PLXNA4: variants seen among roughly 807,000 people sequenced by gnomAD.
The protein encoded by PLXNA4 is plexin-A4.
In PLXNA4, 44 loss-of-function variants were observed where a neutral mutation model predicts 191.8. The observed-to-expected ratio is 0.23, with a 90% CI of 0.18 to 0.29. The LOEUF (loss-of-function observed/expected upper bound fraction) is 0.29. Ranked by LOEUF, PLXNA4 falls within the 10% of genes least tolerant of loss-of-function variation. The probability of loss-of-function intolerance (pLI) is 1.00; values close to 1 mark genes in which losing one functional copy is unlikely to be tolerated. For synonymous variants in PLXNA4, 1,082 were observed against 1,009.5 expected, an observed-to-expected ratio of 1.07 and a Z score of -1.36; for missense variants, 1,800 against 2,488.8, an observed-to-expected ratio of 0.72 and a Z score of 5.89.
chr7:132,159,359 C>T, intron 25 of PLXNA4, 114 bp downstream of exon 25: 2 of 1,502,146 alleles, frequency 1.3e-6, no homozygotes, highest in South Asian at 1.3e-5. Context: ...CTCCCTCCAG[C>T]CAGTGATTAT....
At chr7:132,464,387 G>A (rs1413561062) in intron 3 of PLXNA4, among the ~76,000 whole-genome samples, 3 of 152,098 alleles carry the variant, frequency 2.0e-5, no homozygotes, top group Non-Finnish European at 2.9e-5. Context: ...GATGCCGTCC[G>A]GCTTGGAATG....
chr7:132,161,254 T>C (rs1795940397), intron 24 of PLXNA4, among the ~76,000 whole-genome samples: 1 of 152,230 alleles, frequency 6.6e-6, no homozygotes, highest in South Asian at 2.1e-4. Flanking sequence ...CGTAATCCCC[T>C]GGCATTTCTA....
intron 3 of PLXNA4, among the ~76,000 whole-genome samples, chr7:132,488,108 T>C (rs1797635302): frequency 6.6e-6 from 1 of 152,140 alleles, no homozygotes; most frequent in East Asian, 1.9e-4. Flanking sequence ...CCAGTGCTCA[T>C]TGTTTTCTTT....
intron 3 of PLXNA4, among the ~76,000 whole-genome samples, chr7:132,334,363 T>G (rs1179376668): frequency 6.8e-6 from 1 of 146,306 alleles, no homozygotes; most frequent in Non-Finnish European, 1.5e-5. Context: ...GCTCAGATGA[T>G]CCTCCTGCCA....
Position 132,198,507 on chromosome 7 carries a change from C to A in PLXNA4, c.2716G>T (p.Asp906Tyr). 1 of 1,614,198 alleles carries A rather than the reference C, an allele frequency of 6.2e-7. No individual in the cohort carries two copies. Among genetic ancestry groups the A allele is most frequent in the Non-Finnish European group, 8.5e-7 (1 of 1,180,022 alleles). Reference protein sequence around the residue: ...VAGVECSPLVDGYIPAEQIVC... With the variant: ...VAGVECSPLVYGYIPAEQIVC... ...TACTGTTCTGCAGGGATGTAACCATCCACTAAAGGGCTGCACTCCACGCCA... is the reference window on the plus strand; with the variant it reads ...TACTGTTCTGCAGGGATGTAACCATACACTAAAGGGCTGCACTCCACGCCA... Residue 906 changes from aspartate to tyrosine, a missense_variant, in exon 13 of 32, where the codon GAT becomes TAT. Transcript: ENST00000321063.
intron 30 of PLXNA4, among the ~76,000 whole-genome samples, 171 bp downstream of exon 30, chr7:132,140,428 G>C (rs535081459): frequency 2.6e-5 from 4 of 152,246 alleles, no homozygotes; most frequent in East Asian, 3.9e-4. Flanking sequence ...CTGGTTTCAG[G>C]GGACAGCAGC....
rs1009562199 is a variant in PLXNA4 at position 132,436,287 on chromosome 7, G to T, written c.1371+53005C>A. On this transcript the variant is annotated intron_variant, in intron 3 of 31. Transcript: ENST00000321063. ...CTCCGTCCAACTCTGAAGGGAGTCC[G>T]TCTATGGGGACAATGGGTCTGGTTT... is the stretch of plus-strand genomic sequence containing the variant. Among the ~76,000 whole-genome samples the T allele has an allele frequency of 3.3e-5, 5 of 152,344 alleles. 1 individual carries two copies. The highest frequency in any genetic ancestry group is 3.3e-4 in the Admixed American group (5 of 15,304).
At chr7:132,298,597 G>C (rs191251454) in intron 3 of PLXNA4, among the ~76,000 whole-genome samples, 8 of 152,252 alleles carry the variant, frequency 5.3e-5, no homozygotes, top group Non-Finnish European at 1.0e-4. Context: ...CCCTGCATTG[G>C]AAAGGCAATA....
At chr7:132,605,543 G>T (rs931908993) in intron 2 of PLXNA4, among the ~76,000 whole-genome samples, 2 of 152,058 alleles carry the variant, frequency 1.3e-5, no homozygotes, top group Non-Finnish European at 2.9e-5. Flanking sequence ...AGGTGGCATT[G>T]GTAGATTTGG....
At chr7:132,440,369 C>T (rs183225076) in intron 3 of PLXNA4, among the ~76,000 whole-genome samples, 2 of 152,306 alleles carry the variant, frequency 1.3e-5, no homozygotes, top group Non-Finnish European at 2.9e-5. Context: ...ATACTCTCCC[C>T]ACACCCAGCC....
Position 132,124,834 on chromosome 7 carries a change from A to T in PLXNA4, c.*5645T>A, listed in dbSNP as rs575327188. 6.6e-6 allele frequency: 1 copy of T among 152,294 alleles called. No individual in the cohort carries two copies. The highest frequency in any genetic ancestry group is 6.6e-5 in the Admixed American group (1 of 15,260). 9.4% of individuals were successfully genotyped at this position (152,294 alleles called of 1,614,324 possible). A position where few individuals can be genotyped will look rare whatever the true frequency, so the allele number is the denominator to read the frequency against. ...TCACTACCTCTGCCAATACAAACAG[A>T]AAGTTCTTTTTGTATATGAAGGATT... is the stretch of plus-strand genomic sequence containing the variant. On this transcript the variant is annotated 3_prime_UTR_variant, in exon 32 of 32. Coordinates refer to ENST00000321063, the MANE Select transcript of PLXNA4 (RefSeq NM_020911.2).
At chr7:132,384,676 G>A (rs984419162) in intron 3 of PLXNA4, 74 of 996,642 alleles carry the variant, frequency 7.4e-5, no homozygotes, top group Admixed American at 1.1e-4. Context: ...ATTACATGAT[G>A]CTGCAGTACG....
chr7:132,365,833 G>T (rs2116874461), intron 3 of PLXNA4: 1 of 152,316 alleles, frequency 6.6e-6, no homozygotes, highest in South Asian at 2.1e-4. Context: ...GGAAATCTGG[G>T]TGTCCTGCCC....
chr7:132,421,943 C>A (rs1333789359), intron 3 of PLXNA4, among the ~76,000 whole-genome samples: 1 of 152,180 alleles, frequency 6.6e-6, no homozygotes, highest in Non-Finnish European at 1.5e-5. Context: ...TATTCTTCAC[C>A]CTCCTTGGCT....
intron 2 of PLXNA4, among the ~76,000 whole-genome samples, chr7:132,620,423 A>G (rs1399779117): frequency 2.6e-5 from 4 of 152,222 alleles, no homozygotes; most frequent in Non-Finnish European, 5.9e-5. Context: ...AATTTATTTT[A>G]TATAACATCT....
At chr7:132,134,624 CCAGA>C (rs1394156337) in intron 30 of PLXNA4, among the ~76,000 whole-genome samples, 2 of 152,330 alleles carry the variant, frequency 1.3e-5, no homozygotes, top group East Asian at 1.9e-4. Flanking sequence ...TGGCCACATA[CCAGA>C]CACTTTCTCA....
At position 132,179,760 on chromosome 7, in the gene PLXNA4, A is replaced by G. The variant is rs376428169; in HGVS notation, c.3801T>C (p.Ser1267=). 3.7e-6 allele frequency: 6 copies of G among 1,614,032 alleles called. No individual in the cohort carries two copies. Among genetic ancestry groups the G allele is most frequent in the Non-Finnish European group, 5.1e-6 (6 of 1,180,042 alleles). ...TCTGCAGCCGCTTCAGCGTGAGGTC[A>G]CTTTCGCGGGACTTGCGTTTATAGG... ...LIAYKRKSRE[S]DLTLKRLQMQ... is the part of the protein sequence containing the mutation. The change falls in exon 20 of 32, where the codon AGT becomes AGC. Residue 1267 remains serine (S), a synonymous_variant. Transcript: ENST00000321063.
Position 132,168,234 on chromosome 7 carries a change from C to G in PLXNA4, c.4286+70G>C, listed in dbSNP as rs190026579. The G allele has an allele frequency of 6.2e-4, 898 of 1,446,172 alleles. 3 individuals carry two copies. The highest frequency in any genetic ancestry group is 3.8e-4 in the Non-Finnish European group (415 of 1,096,994). The allele number at this position is 1,446,172 out of a possible 1,614,324, so 89.6% of individuals were successfully genotyped here. A position where few individuals can be genotyped will look rare whatever the true frequency, so the allele number is the denominator to read the frequency against. On this transcript the variant is annotated intron_variant, in intron 22 of 31. Transcript: ENST00000321063. ...GCTCTCCTAGGAGCTCCACCCGAGT[C>G]TCCCTGCAAGGCACGGTGAGCCAGG...
At chr7:132,587,757 T>A (rs922358835) in intron 2 of PLXNA4, among the ~76,000 whole-genome samples, 1 of 151,914 alleles carries the variant, frequency 6.6e-6, no homozygotes, top group African/African-American at 2.4e-5. Context: ...CAGAACTCAA[T>A]TAAACCCTGC....
Sources: gnomAD v4.1 joint callset for allele counts (sites outside exome capture counted in the v4.1 genomes callset) on GRCh38, gnomAD v4.1.1 for gene constraint, MANE v1.5 for transcripts, NCBI Gene and HGNC (gene_info 2026-07-23, HGNC 2026-07-21) for gene names.